ASIC4: variants seen among roughly 807,000 people sequenced by gnomAD.
The protein encoded by ASIC4 is acid-sensing ion channel 4.
In ASIC4, 28 loss-of-function variants were observed where a neutral mutation model predicts 53.4. The ratio of observed to expected loss-of-function variants is 0.52; its 90% CI spans 0.39 to 0.72. ASIC4 has a LOEUF of 0.72. Ranked by LOEUF, ASIC4 falls within the 30% of genes least tolerant of loss-of-function variation. ASIC4 has a pLI of 0.00. For missense variants in ASIC4, 649 were observed against 729.7 expected (o/e 0.89, Z 1.27); for synonymous variants, 289 against 301.4 (o/e 0.96, Z 0.43).
At position 219,536,680 on chromosome 2, in the gene ASIC4, G is replaced by C. The variant is rs1380933652; in HGVS notation, c.1230-386G>C. 6.6e-6 allele frequency among the ~76,000 whole-genome samples: 1 copy of C among 152,054 alleles called. No individual in the cohort carries two copies. The highest frequency in any genetic ancestry group is 6.5e-5 in the Admixed American group (1 of 15,272). ...GAAAAGACGGCGGCTGGGGAGGAAG[G>C]TGCCGGGGACAGGCCACCGGCTGCC... On this transcript the variant is annotated intron_variant, in intron 6 of 9. Transcript: ENST00000358078. The surrounding 1 kb of genome is among the most constrained non-coding windows in gnomAD (Gnocchi z 4.6).
rs536752710 is a variant in ASIC4 at position 219,515,228 on chromosome 2, C to T, written c.504C>T (p.Arg168=). Residue 168 remains arginine, a synonymous_variant, in exon 1 of 10, where the codon CGC becomes CGT. Transcript: ENST00000358078. ...CTGACATGGTAGACATCCTCAACCG[C>T]ACTGGCCACCAGCTCGCCGACATGC... ...PEPDMVDILN[R]TGHQLADMLK... The T allele has an allele frequency of 4.3e-6, 7 of 1,614,198 alleles. No individual in the cohort carries two copies. In the South Asian group the frequency reaches 7.7e-5, roughly 18 times the overall value.
chr2:219,507,153 C>T, the ASIC4 span, among the ~76,000 whole-genome samples: 11 of 152,176 alleles, frequency 7.2e-5, no homozygotes, highest in Admixed American at 3.9e-4. Context: ...GCCTCAGCCT[C>T]GTGCTGCTCG....
At chr2:219,533,380 A>C in intron 5 of ASIC4, 1 of 239,964 alleles carries the variant, frequency 4.2e-6, no homozygotes, top group Non-Finnish European at 8.3e-6. Context: ...CATTCTCCAG[A>C]CCTTTACAGC....
In ASIC4 at chr2:219,518,954, AG is replaced by A. The variant is rs1694842805; in HGVS notation, c.582+3649del. On this transcript the variant is annotated intron_variant, in intron 1 of 9. Coordinates refer to ENST00000358078, the MANE Select transcript of ASIC4 (RefSeq NM_018674.6). This position sits in a 1 kb window ranked among gnomAD's most constrained non-coding sequence, Gnocchi z 4.8. ...AGAGTCTCGTTGTTGCCCAGGCTGG[AG>A]TGCAGCGGCGCGATCTCGGCTCACT... 6.6e-6 allele frequency among the ~76,000 whole-genome samples: 1 copy of A among 152,068 alleles called. No individual in the cohort carries two copies. The highest frequency in any genetic ancestry group is 1.5e-5 in the Non-Finnish European group (1 of 68,010).
Position 219,527,893 on chromosome 2 carries a change from C to T in ASIC4, c.583-3865C>T, listed in dbSNP as rs542344218. Among the ~76,000 whole-genome samples the T allele has an allele frequency of 2.6e-5, 4 of 152,326 alleles. 1 individual carries two copies. Among genetic ancestry groups the T allele is most frequent in the African/African-American group, 9.6e-5 (4 of 41,590 alleles). ...GGCTCTGGGGATGCCAAGAGGGAAA[C>T]AGGACTCCTGGTCACATGGAGTTCA... On this transcript the variant is annotated intron_variant, in intron 1 of 9. Transcript: ENST00000358078.
rs919859415 is a variant in ASIC4, at chr2:219,517,707, A to C, written c.582+2401A>C. Among the ~76,000 whole-genome samples the C allele has an allele frequency of 2.0e-5, 3 of 152,138 alleles. No homozygotes were observed. Among genetic ancestry groups the C allele is most frequent in the Non-Finnish European group, 4.4e-5 (3 of 68,020 alleles). ...ATATGGGGTCTCCAAAAAGGACGTG[A>C]GGTCCATAATCAGCTCTGTGGTGAG... On this transcript the variant is annotated intron_variant, in intron 1 of 9. Coordinates refer to ENST00000358078, the MANE Select transcript of ASIC4 (RefSeq NM_018674.6). This position sits in a 1 kb window ranked among gnomAD's most constrained non-coding sequence, Gnocchi z 4.2.
chr2:219,532,600 C>CAA (rs1165141720), intron 4 of ASIC4, 123 bp downstream of exon 4: 319 of 1,328,394 alleles, frequency 2.4e-4, no homozygotes, highest in Non-Finnish European at 3.1e-4. Flanking sequence ...TGTGTCTGTA[C>CAA]CCGTGTGAGT....
At chr2:219,512,967 C>G (rs968874316), upstream of ASIC4, among the ~76,000 whole-genome samples, 7 of 152,334 alleles carry the variant, frequency 4.6e-5, no homozygotes, top group Middle Eastern at 3.4e-3. Flanking sequence ...AAAGTGGCTT[C>G]CAGCTGCTAA....
chr2:219,522,523 G>A (rs988589913), intron 1 of ASIC4, among the ~76,000 whole-genome samples: 5 of 152,128 alleles, frequency 3.3e-5, no homozygotes, highest in African/African-American at 1.2e-4. Flanking sequence ...GTTCCCAGTA[G>A]GGGTTCCGTT....
chr2:219,511,630 C>T (rs1045943955), upstream of ASIC4, among the ~76,000 whole-genome samples: 6 of 152,132 alleles, frequency 3.9e-5, no homozygotes, highest in African/African-American at 1.4e-4. This position sits in a 1 kb window ranked among gnomAD's most constrained non-coding sequence, Gnocchi z 5.3. Flanking sequence ...GCCCTGCCCC[C>T]TTTGCTCACA....
At position 219,538,264 on chromosome 2, in the gene ASIC4, GGAGACC is replaced by G. The variant is rs1446452837; in HGVS notation, c.*219_*224del. On this transcript the variant is annotated 3_prime_UTR_variant, in exon 10 of 10. Coordinates refer to ENST00000358078, the MANE Select transcript of ASIC4 (RefSeq NM_018674.6). ...CCCAGGCTGGTGCCCCGGGAGGGCT[GGAGACC>G]AGGCCATGGGCCCTCACGGAGAGGA... 1.7e-6 allele frequency: 1 copy of G among 575,062 alleles called. No individual in the cohort carries two copies. The highest frequency in any genetic ancestry group is 3.1e-6 in the Non-Finnish European group (1 of 324,016). The allele number at this position is 575,062 out of a possible 1,614,324, so 35.6% of individuals were successfully genotyped here. A position where few individuals can be genotyped will look rare whatever the true frequency, so the allele number is the denominator to read the frequency against.
At position 219,532,884 on chromosome 2, in the gene ASIC4, C is replaced by A; in HGVS notation, c.1020C>A (p.Gly340=). 1.2e-6 allele frequency: 2 copies of A among 1,612,784 alleles called. No individual in the cohort carries two copies. The highest frequency in any genetic ancestry group is 1.7e-6 in the Non-Finnish European group (2 of 1,179,008). Residue 340 remains glycine, a splice_region_variant and synonymous_variant, in exon 5 of 10, where the codon GGC becomes GGA. Coordinates refer to ENST00000358078, the MANE Select transcript of ASIC4 (RefSeq NM_018674.6). The stretch of plus-strand genomic sequence containing the variant: ...AGGAATAATCTTCTCTCCTTTCAGG[C>A]AATGAGACCATCTGCCCACCAAATA... ...RCHCRMVHMP[G]NETICPPNIY...
chr2:219,514,274 C>T (rs966408351), upstream of ASIC4: 8 of 1,465,438 alleles, frequency 5.5e-6, no homozygotes, highest in East Asian at 2.5e-5. Context: ...TGGCTCCTGA[C>T]GCCCGTGCTG....
chr2:219,537,857 A>G lies in ASIC4; in HGVS notation c.1507-76A>G. The G allele has an allele frequency of 6.7e-7, 1 of 1,495,752 alleles. No individual in the cohort carries two copies. The highest frequency in any genetic ancestry group is 2.4e-5 in the East Asian group (1 of 41,682). The allele number at this position is 1,495,752 out of a possible 1,614,324, so 92.7% of individuals were successfully genotyped here. A position where few individuals can be genotyped will look rare whatever the true frequency, so the allele number is the denominator to read the frequency against. On this transcript the variant is annotated intron_variant, in intron 9 of 9. Transcript: ENST00000358078. The surrounding 1 kb of genome is among the most constrained non-coding windows in gnomAD (Gnocchi z 4.9). ...GGAGCCTCTGCCCGAGGTGACAAGG[A>G]AAGGCTGGCGGTGTGAGCCCTGGGG... is the stretch of plus-strand genomic sequence containing the variant.
intron 1 of ASIC4, among the ~76,000 whole-genome samples, chr2:219,522,791 C>G (rs986543395): frequency 6.6e-6 from 1 of 152,038 alleles, no homozygotes; most frequent in Non-Finnish European, 1.5e-5. Context: ...AAGCCTCTGG[C>G]GCTGCTGTGT....
In ASIC4 at chr2:219,532,466, T is replaced by C; in HGVS notation, c.1007T>C (p.Val336Ala). 6.2e-7 allele frequency: 1 copy of C among 1,611,418 alleles called. No individual in the cohort carries two copies. Among genetic ancestry groups the C allele is most frequent in the Non-Finnish European group, 8.5e-7 (1 of 1,178,338 alleles). ...CTTCAGCGCTGCCACTGCCGGATGG[T>C]GCACATGCCAGGTGGGCACCCCACC... ...AVLQRCHCRM[V>A]HMPGNETICP... The change falls in exon 4 of 10, where the codon GTG becomes GCG. Residue 336 changes from valine (V) to alanine (A), a missense_variant. Transcript: ENST00000358078.
At position 219,532,485 on chromosome 2, in the gene ASIC4, C is replaced by A; in HGVS notation, c.1018+8C>A. ...GGATGGTGCACATGCCAGGTGGGCA[C>A]CCCACCCCCAGCCAGCCCTCCATGC... On this transcript the variant is annotated splice_region_variant and intron_variant, in intron 4 of 9. Coordinates refer to ENST00000358078, the MANE Select transcript of ASIC4 (RefSeq NM_018674.6). The A allele has an allele frequency of 6.2e-7, 1 of 1,603,348 alleles. No homozygotes were observed. The highest frequency in any genetic ancestry group is 8.5e-7 in the Non-Finnish European group (1 of 1,173,092).
intron 1 of ASIC4, among the ~76,000 whole-genome samples, chr2:219,530,978 G>A (rs1055799028): frequency 1.3e-5 from 2 of 152,182 alleles, no homozygotes; most frequent in African/African-American, 4.8e-5. Flanking sequence ...CAAGGTGGGA[G>A]AGCAGTTAGG....
chr2:219,535,445 A>AT (rs1695119733), intron 6 of ASIC4, 121 bp downstream of exon 6: 1 of 1,060,314 alleles, frequency 9.4e-7, no homozygotes, highest in South Asian at 1.7e-5. Flanking sequence ...GTTTGTGTGT[A>AT]TGTGGGTGTG....
Sources: gnomAD v4.1 joint callset for allele counts (sites outside exome capture counted in the v4.1 genomes callset) on GRCh38, gnomAD v4.1.1 for gene constraint, Gnocchi (gnomAD v3.1) non-coding constraint, MANE v1.5 for transcripts, NCBI Gene and HGNC (gene_info 2026-07-23, HGNC 2026-07-21) for gene names.